Variants in NCOA2 observed in about 807,000 individuals in gnomAD.
NCOA2 encodes the protein class E basic helix-loop-helix protein 75.
A neutral mutation model predicts 145.1 loss-of-function variants in NCOA2; 21 were observed. That is an observed-to-expected ratio of 0.14 (90% CI 0.10 to 0.21). The LOEUF (loss-of-function observed/expected upper bound fraction) is 0.21, where lower values mean the gene tolerates loss of function less well. NCOA2 is among the 10% of genes least tolerant of loss of function. The pLI, the probability that NCOA2 is intolerant of heterozygous loss-of-function variation, is 1.00. For synonymous variants in NCOA2, 619 were observed against 637.5 expected, an observed-to-expected ratio of 0.97 and a Z score of 0.44; for missense variants, 1,472 against 1,837.6, an observed-to-expected ratio of 0.80 and a Z score of 3.64.
intron 1 of NCOA2, among the ~76,000 whole-genome samples, chr8:70,333,601 T>C (rs901088479): frequency 6.6e-6 from 1 of 152,166 alleles, no homozygotes; most frequent in Non-Finnish European, 1.5e-5. Flanking sequence ...AATTTGCCAT[T>C]TATCAAGGCA....
chr8:70,282,561 G>A (rs916684646), intron 2 of NCOA2, among the ~76,000 whole-genome samples: 4 of 151,914 alleles, frequency 2.6e-5, no homozygotes, highest in African/African-American at 4.8e-5. Context: ...TGTGGCGCAC[G>A]CCTGTAATCC....
intron 1 of NCOA2, among the ~76,000 whole-genome samples, chr8:70,363,079 T>TAAAAAAAA (rs777122942): frequency 9.0e-5 from 9 of 99,796 alleles, no homozygotes; most frequent in Non-Finnish European, 1.8e-4. Flanking sequence ...ACTCTGTCTT[T>TAAAAAAAA]AAAAAAAAAA....
At chr8:70,327,496 T>G (rs1318996333) in intron 1 of NCOA2, among the ~76,000 whole-genome samples, 3 of 152,216 alleles carry the variant, frequency 2.0e-5, no homozygotes, top group Non-Finnish European at 1.5e-5. Flanking sequence ...AAGACATTTA[T>G]TTTAAGCAAC....
chr8:70,266,461 T>G (rs1824602941), intron 2 of NCOA2, among the ~76,000 whole-genome samples: 1 of 152,232 alleles, frequency 6.6e-6, no homozygotes, highest in African/African-American at 2.4e-5. Context: ...TAAAGGTCTT[T>G]AAGCCTGGCT....
chr8:70,141,234 C>G lies in NCOA2; in HGVS notation c.2978G>C (p.Ser993Thr). 6.2e-7 allele frequency: 1 copy of G among 1,613,914 alleles called. No homozygotes were observed. Among genetic ancestry groups the G allele is most frequent in the African/African-American group, 1.3e-5 (1 of 75,044 alleles). ...CGTCTGTCTTTGGCCAGGCTGGCTG[C>G]TGGGCCTCATGGGGATGCTGGCTGC... ...NPAASIPMRPSSQPGQRQTLQ... is the reference protein window; with the variant it reads ...NPAASIPMRPTSQPGQRQTLQ... Residue 993 changes from serine to threonine, a missense_variant, in exon 14 of 23, where the codon AGC becomes ACC. Physicochemically the swap from Ser to Thr is moderately conservative, Grantham distance 58. This residue lies in a region of NCOA2 where 953 missense variants were observed against 1,062.1 expected (regional missense o/e 0.90). Coordinates refer to ENST00000452400, the MANE Select transcript of NCOA2 (RefSeq NM_006540.4).
chr8:70,126,026 G>C (rs1042892570), intron 19 of NCOA2, among the ~76,000 whole-genome samples: 1 of 152,130 alleles, frequency 6.6e-6, no homozygotes, highest in African/African-American at 2.4e-5. Context: ...ATAGAAAAAG[G>C]CTGCACATTA....
intron 2 of NCOA2, among the ~76,000 whole-genome samples, chr8:70,271,989 G>A (rs1785988043): frequency 6.6e-6 from 1 of 152,068 alleles, no homozygotes; most frequent in African/African-American, 2.4e-5. Context: ...AAAATTGTAG[G>A]AATTCTTCAC....
At chr8:70,225,147 T>A (rs548103229) in intron 2 of NCOA2, among the ~76,000 whole-genome samples, 2 of 152,160 alleles carry the variant, frequency 1.3e-5, no homozygotes, top group African/African-American at 4.8e-5. Flanking sequence ...ATAAACCCAA[T>A]AGACCAAGTC....
rs938560021 is a variant in NCOA2 at position 70,194,680 on chromosome 8, T to C, written c.259+19223A>G. 3.4e-3 allele frequency among the ~76,000 whole-genome samples: 473 copies of C among 137,668 alleles called. 5 individuals are homozygous for C. The highest frequency in any genetic ancestry group is 0.014 in the African/African-American group (448 of 31,714). The allele number at this position is 137,668 out of a possible 152,430, so 90.3% of individuals were successfully genotyped here. A position where few individuals can be genotyped will look rare whatever the true frequency, so the allele number is the denominator to read the frequency against. On this transcript the variant is annotated intron_variant, in intron 4 of 22. Coordinates refer to ENST00000452400, the MANE Select transcript of NCOA2 (RefSeq NM_006540.4). ...TTTTCTGGGCTCTTTTATCTTCTTT[T>C]TTTTTTTTTTTTTTTTTCCTGACAG...
At chr8:70,256,593 T>C (rs1823651823) in intron 2 of NCOA2, among the ~76,000 whole-genome samples, 2 of 152,226 alleles carry the variant, frequency 1.3e-5, no homozygotes, top group South Asian at 2.1e-4. Flanking sequence ...AGGCATACTA[T>C]TTTATTATTT....
the NCOA2 span, among the ~76,000 whole-genome samples, chr8:70,422,216 G>T: frequency 6.6e-6 from 1 of 152,228 alleles, no homozygotes; most frequent in East Asian, 1.9e-4. Context: ...CAAAGTTAGG[G>T]AATTGAAAGC....
chr8:70,402,819 G>A (rs1249335100), intron 1 of NCOA2, among the ~76,000 whole-genome samples: 3 of 140,478 alleles, frequency 2.1e-5, no homozygotes, highest in African/African-American at 7.9e-5. Flanking sequence ...ATACACGCCC[G>A]CACCCAGAAA....
At chr8:70,159,242 A>ATATTT in intron 10 of NCOA2, among the ~76,000 whole-genome samples, 26 of 61,076 alleles carry the variant, frequency 4.3e-4, no homozygotes, top group African/African-American at 1.4e-3. Context: ...ATATATATAT[A>ATATTT]TTTTTTTTTT....
At chr8:70,170,480 C>CAAA (rs1814126193) in intron 5 of NCOA2, 101 bp from the exon 6 acceptor site, 15 of 1,050,582 alleles carry the variant, frequency 1.4e-5, no homozygotes, top group Admixed American at 1.0e-4. Context: ...ACAATTCACA[C>CAAA]ACAGATAGAA....
chr8:70,272,113 T>C (rs1476905567), intron 2 of NCOA2, among the ~76,000 whole-genome samples: 2 of 152,222 alleles, frequency 1.3e-5, no homozygotes, highest in African/African-American at 4.8e-5. Flanking sequence ...GCTTCAAAAG[T>C]ACACACTTTT....
intron 1 of NCOA2, among the ~76,000 whole-genome samples, chr8:70,333,760 A>G (rs1395217621): frequency 6.6e-6 from 1 of 152,142 alleles, no homozygotes; most frequent in Non-Finnish European, 1.5e-5. Flanking sequence ...TCTAACAAAG[A>G]TTCTTCACCC....
intron 14 of NCOA2, among the ~76,000 whole-genome samples, chr8:70,140,933 T>C (rs1810338612): frequency 6.6e-6 from 1 of 152,108 alleles, no homozygotes; most frequent in Non-Finnish European, 1.5e-5. Flanking sequence ...ATAATTCATT[T>C]CTTCCCCAAA....
chr8:70,307,895 TTAAAC>T, intron 1 of NCOA2, among the ~76,000 whole-genome samples: 1 of 152,320 alleles, frequency 6.6e-6, no homozygotes, highest in Non-Finnish European at 1.5e-5. Context: ...TAGGTCTTAA[TTAAAC>T]TAAAATCTTC....
Position 70,111,186 on chromosome 8 carries a change from T to G in NCOA2, c.*2446A>C, listed in dbSNP as rs894617410. Reference sequence around the variant, plus strand: ...GAATTATTATAAATTACCAGTATCATGAAGTTGCGGATTTGTCTGAATTAG... The same window carrying G: ...GAATTATTATAAATTACCAGTATCAGGAAGTTGCGGATTTGTCTGAATTAG... On this transcript the variant is annotated 3_prime_UTR_variant, in exon 23 of 23. Transcript: ENST00000452400. 2 of 222,934 alleles carry G rather than the reference T, an allele frequency of 9.0e-6. No homozygotes were observed. Among genetic ancestry groups the G allele is most frequent in the African/African-American group, 4.5e-5 (2 of 44,788 alleles). The allele number at this position is 222,934 out of a possible 1,614,324, so 13.8% of individuals were successfully genotyped here.
Sources: gnomAD v4.1 joint callset for allele counts (sites outside exome capture counted in the v4.1 genomes callset) on GRCh38, gnomAD v4.1.1 for gene constraint, gnomAD v4.1.1 regional missense constraint, MANE v1.5 for transcripts, NCBI Gene and HGNC (gene_info 2026-07-23, HGNC 2026-07-21) for gene names.